ZFAND3: variants seen among roughly 807,000 people sequenced by gnomAD.
The protein encoded by ZFAND3 is AN1-type zinc finger protein 3.
ZFAND3 carries 10 observed loss-of-function variants against 29.6 expected under a neutral mutation model. The observed-to-expected ratio is 0.34, with a 90% CI of 0.21 to 0.57. ZFAND3 has a LOEUF of 0.57. Among genes scored for constraint, ZFAND3 ranks in the 20% least tolerant of loss-of-function variants. The probability of loss-of-function intolerance (pLI) is 0.86; values close to 1 mark genes in which losing one functional copy is unlikely to be tolerated. For missense variants in ZFAND3, 230 were observed against 304.5 expected, an observed-to-expected ratio of 0.76 and a Z score of 1.82; for synonymous variants, 128 against 112.6, an observed-to-expected ratio of 1.14 and a Z score of -0.87.
chr6:37,975,598 G>T (rs180730994), intron 2 of ZFAND3, among the ~76,000 whole-genome samples: 1 of 152,168 alleles, frequency 6.6e-6, no homozygotes, highest in East Asian at 1.9e-4. Flanking sequence ...TGATATGGAG[G>T]TATACATCTG....
chr6:38,016,335 TTTCAAAGAACCATAC>T (rs1763252196), intron 2 of ZFAND3, among the ~76,000 whole-genome samples: 1 of 152,218 alleles, frequency 6.6e-6, no homozygotes, highest in South Asian at 2.1e-4. Context: ...ATAATTCTTG[TTTCAAAGAACCATAC>T]TTCAGAGAAC....
intron 1 of ZFAND3, among the ~76,000 whole-genome samples, chr6:37,863,060 G>T (rs576213059): frequency 1.3e-5 from 2 of 152,298 alleles, no homozygotes; most frequent in East Asian, 3.9e-4. Flanking sequence ...GCTGTGGTTG[G>T]CAGGTCTTGT....
At chr6:38,012,853 C>G (rs1408221156) in intron 2 of ZFAND3, among the ~76,000 whole-genome samples, 1 of 152,066 alleles carries the variant, frequency 6.6e-6, no homozygotes, top group Non-Finnish European at 1.5e-5. Flanking sequence ...AAGTGTACAT[C>G]AGGAGGGGGA....
intron 2 of ZFAND3, among the ~76,000 whole-genome samples, chr6:37,944,606 A>C (rs1169432939): frequency 2.0e-5 from 3 of 152,244 alleles, no homozygotes; most frequent in African/African-American, 7.2e-5. Context: ...TTTTGTGATG[A>C]CTGAGGTCTT....
intron 2 of ZFAND3, among the ~76,000 whole-genome samples, chr6:37,936,825 G>A (rs575727254): frequency 6.6e-6 from 1 of 152,278 alleles, no homozygotes; most frequent in East Asian, 1.9e-4. Context: ...TCTGGAATGA[G>A]CAAAATAAAA....
chr6:38,095,054 T>A (rs150872932), intron 4 of ZFAND3, among the ~76,000 whole-genome samples: 1 of 152,336 alleles, frequency 6.6e-6, no homozygotes, highest in East Asian at 1.9e-4. Flanking sequence ...CCTCCATGTA[T>A]GTTCATAGGT....
chr6:38,050,394 C>T (rs1764003390), intron 2 of ZFAND3, among the ~76,000 whole-genome samples: 1 of 152,102 alleles, frequency 6.6e-6, no homozygotes, highest in South Asian at 2.1e-4. Flanking sequence ...TATGGTTTGG[C>T]TGTGTCCCCA....
chr6:38,103,716 A>C (rs1195752696), intron 4 of ZFAND3, among the ~76,000 whole-genome samples: 2 of 152,108 alleles, frequency 1.3e-5, no homozygotes, highest in East Asian at 3.9e-4. Flanking sequence ...ATGGTTATAG[A>C]CTGACTTGGG....
At chr6:38,050,380 G>T (rs1477787285) in intron 2 of ZFAND3, among the ~76,000 whole-genome samples, 1 of 152,070 alleles carries the variant, frequency 6.6e-6, no homozygotes, top group Non-Finnish European at 1.5e-5. Context: ...TAGTAGCCAG[G>T]TGATATGGTT....
rs981515424 is a variant in ZFAND3 at position 38,081,003 on chromosome 6, G to C, written c.296-1389G>C. On this transcript the variant is annotated intron_variant, in intron 3 of 5. Coordinates refer to ENST00000287218, the MANE Select transcript of ZFAND3 (RefSeq NM_021943.3). ...ATTCTTGCCTCATTTTCAAATTCTT[G>C]CATTTCCAAGTAATACAAGCCAATG... 2.6e-5 allele frequency among the ~76,000 whole-genome samples: 4 copies of C among 152,210 alleles called. No homozygotes were observed. The East Asian group carries it at 7.7e-4, about 29-fold the overall frequency.
At chr6:37,934,700 G>A (rs1761664017) in intron 2 of ZFAND3, among the ~76,000 whole-genome samples, 1 of 151,742 alleles carries the variant, frequency 6.6e-6, no homozygotes, top group Non-Finnish European at 1.5e-5. Flanking sequence ...TTAGCTGAGT[G>A]TAGTGGTGCA....
intron 4 of ZFAND3, among the ~76,000 whole-genome samples, chr6:38,101,891 CAA>C (rs1410948894): frequency 2.1e-5 from 3 of 144,346 alleles, no homozygotes; most frequent in Admixed American, 6.9e-5. Flanking sequence ...AGTTTAAAAA[CAA>C]ATCAGCTATT....
chr6:37,869,678 A>C (rs1338745568), intron 1 of ZFAND3, among the ~76,000 whole-genome samples: 6 of 150,914 alleles, frequency 4.0e-5, no homozygotes, highest in South Asian at 2.1e-4. Context: ...CTGGCTATTA[A>C]AAAAATTTTT....
chr6:37,992,809 A>G (rs1258095597), intron 2 of ZFAND3, among the ~76,000 whole-genome samples: 2 of 151,908 alleles, frequency 1.3e-5, no homozygotes, highest in African/African-American at 4.8e-5. Flanking sequence ...TCCTTTGACA[A>G]ATTTTGGTTT....
At chr6:37,873,013 C>G (rs969068838) in intron 1 of ZFAND3, among the ~76,000 whole-genome samples, 14 of 152,190 alleles carry the variant, frequency 9.2e-5, no homozygotes, top group African/African-American at 2.9e-4. Flanking sequence ...AATCCCAGCA[C>G]TTTGGGAGGC....
intron 4 of ZFAND3, among the ~76,000 whole-genome samples, chr6:38,089,286 C>G (rs1440923473): frequency 6.6e-6 from 1 of 152,046 alleles, no homozygotes; most frequent in African/African-American, 2.4e-5. Flanking sequence ...TGCCACCACA[C>G]CCGGCTAATT....
chr6:37,832,560 T>TTA (rs1763882023), intron 1 of ZFAND3, among the ~76,000 whole-genome samples: 1 of 152,206 alleles, frequency 6.6e-6, no homozygotes, highest in Non-Finnish European at 1.5e-5. Context: ...AAGATGGTAA[T>TTA]GGGTGGTGAG....
intron 2 of ZFAND3, among the ~76,000 whole-genome samples, chr6:37,957,173 C>A (rs1456399442): frequency 6.6e-6 from 1 of 152,124 alleles, no homozygotes; most frequent in East Asian, 1.9e-4. Context: ...TAAGCAAGTT[C>A]CCCCCCTTTC....
chr6:37,955,591 G>A (rs1239291806), intron 2 of ZFAND3, among the ~76,000 whole-genome samples: 1 of 152,228 alleles, frequency 6.6e-6, no homozygotes, highest in Non-Finnish European at 1.5e-5. Flanking sequence ...AAGTGCCAAA[G>A]TAGTAAGTTC....
Sources: allele counts gnomAD v4.1 joint callset (sites outside exome capture counted in the v4.1 genomes callset), GRCh38; gene constraint gnomAD v4.1.1; transcripts MANE v1.5; gene names NCBI Gene and HGNC (gene_info 2026-07-23, HGNC 2026-07-21).